Variants in LDB2 observed in about 807,000 individuals in gnomAD.
The protein encoded by LDB2 is LIM domain binding 2.
A neutral mutation model predicts 44.3 loss-of-function variants in LDB2; 12 were observed. The ratio of observed to expected loss-of-function variants is 0.27; its 90% CI spans 0.17 to 0.44. The LOEUF (loss-of-function observed/expected upper bound fraction) is 0.44, where lower values mean the gene tolerates loss of function less well. Ranked by LOEUF, LDB2 falls within the 20% of genes least tolerant of loss-of-function variation. The pLI is 1.00. For missense variants in LDB2, 344 were observed against 473.5 expected, an observed-to-expected ratio of 0.73 and a Z score of 2.54; for synonymous variants, 164 against 174.8, an observed-to-expected ratio of 0.94 and a Z score of 0.49.
At chr4:16,675,575 CA>C (rs1746066329) in intron 2 of LDB2, among the ~76,000 whole-genome samples, 1 of 139,330 alleles carries the variant, frequency 7.2e-6, no homozygotes, top group East Asian at 2.1e-4. Flanking sequence ...AAAATGGGTA[CA>C]AAATGAAAAA....
chr4:16,502,515 G>A lies in LDB2; in HGVS notation c.*128C>T, dbSNP rs1038963629. On this transcript the variant is annotated 3_prime_UTR_variant, in exon 8 of 8. Coordinates refer to ENST00000304523, the MANE Select transcript of LDB2 (RefSeq NM_001290.5). Reference sequence around the variant, plus strand: ...AAAGAAGAAAGAAAATCAGATCATTGTGGTTTAGAAATAGATATTTGCATG... The same window carrying A: ...AAAGAAGAAAGAAAATCAGATCATTATGGTTTAGAAATAGATATTTGCATG... 4.9e-6 allele frequency: 6 copies of A among 1,212,646 alleles called. No individual in the cohort carries two copies. The highest frequency in any genetic ancestry group is 5.9e-6 in the Non-Finnish European group (5 of 853,700). 75.1% of individuals were successfully genotyped at this position (1,212,646 alleles called of 1,614,324 possible). A position where few individuals can be genotyped will look rare whatever the true frequency, so the allele number is the denominator to read the frequency against.
chr4:16,519,619 C>G (rs1725217729), intron 5 of LDB2, among the ~76,000 whole-genome samples: 1 of 148,934 alleles, frequency 6.7e-6, no homozygotes, highest in African/African-American at 2.5e-5. Flanking sequence ...AAAACCTACA[C>G]AGAGAGGTAG....
intron 2 of LDB2, among the ~76,000 whole-genome samples, chr4:16,633,459 A>T (rs925996992): frequency 5.9e-5 from 9 of 152,184 alleles, no homozygotes; most frequent in Non-Finnish European, 8.8e-5. Flanking sequence ...AAGCATTCCT[A>T]TACACCAATA....
intron 2 of LDB2, among the ~76,000 whole-genome samples, chr4:16,638,454 C>T (rs903612267): frequency 2.0e-5 from 3 of 152,126 alleles, no homozygotes; most frequent in African/African-American, 7.2e-5. Context: ...CAACGCAGCC[C>T]GATCCAGCTC....
chr4:16,635,806 T>C (rs999818152), intron 2 of LDB2, among the ~76,000 whole-genome samples: 1 of 152,222 alleles, frequency 6.6e-6, no homozygotes, highest in Non-Finnish European at 1.5e-5. Context: ...TTCTATCAGT[T>C]AGCAAACCAT....
rs191846516 is a variant in LDB2 at position 16,565,968 on chromosome 4, A to G, written c.615+19954T>C. On this transcript the variant is annotated intron_variant, in intron 5 of 7. Coordinates refer to ENST00000304523, the MANE Select transcript of LDB2 (RefSeq NM_001290.5). ...TGACCACACACACACATGTATCTAT[A>G]CATACACACATATACACACACACAA... 3.9e-5 allele frequency among the ~76,000 whole-genome samples: 6 copies of G among 152,198 alleles called. No homozygotes were observed. In the East Asian group the frequency reaches 1.2e-3, roughly 29 times the overall value.
intron 1 of LDB2, among the ~76,000 whole-genome samples, chr4:16,784,815 T>A (rs1046768797): frequency 6.6e-6 from 1 of 152,168 alleles, no homozygotes; most frequent in Non-Finnish European, 1.5e-5. Flanking sequence ...CCCTATGCAC[T>A]CTGCATCTGG....
intron 2 of LDB2, among the ~76,000 whole-genome samples, chr4:16,656,760 T>G (rs994337198): frequency 6.6e-6 from 1 of 152,230 alleles, no homozygotes; most frequent in Non-Finnish European, 1.5e-5. Flanking sequence ...AGCGTGATTT[T>G]TTTTCTTTGT....
intron 1 of LDB2, among the ~76,000 whole-genome samples, chr4:16,866,691 A>T (rs1251612896): frequency 6.6e-6 from 1 of 152,234 alleles, no homozygotes; most frequent in African/African-American, 2.4e-5. Context: ...AGGGAAAAAA[A>T]TCTGACATAT....
At chr4:16,703,668 G>A (rs1213648683) in intron 2 of LDB2, among the ~76,000 whole-genome samples, 2 of 152,108 alleles carry the variant, frequency 1.3e-5, no homozygotes, top group East Asian at 1.9e-4. Flanking sequence ...TAATTGGGTG[G>A]CAATATATTT....
At chr4:16,672,064 A>G (rs916935012) in intron 2 of LDB2, among the ~76,000 whole-genome samples, 3 of 152,180 alleles carry the variant, frequency 2.0e-5, no homozygotes, top group African/African-American at 7.2e-5. Flanking sequence ...TAATAACAAC[A>G]GCAACCATGA....
chr4:16,729,870 C>T (rs112813530), intron 2 of LDB2, among the ~76,000 whole-genome samples: 97 of 152,218 alleles, frequency 6.4e-4, no homozygotes, highest in African/African-American at 2.1e-3. Context: ...AAATAACGAC[C>T]GCATGAAGTG....
intron 1 of LDB2, among the ~76,000 whole-genome samples, chr4:16,841,531 T>C (rs1487657903): frequency 6.6e-6 from 1 of 152,226 alleles, no homozygotes; most frequent in Non-Finnish European, 1.5e-5. Flanking sequence ...TTCTCACAGT[T>C]GCCTTCAAAT....
chr4:16,874,853 T>C (rs544792148), intron 1 of LDB2, among the ~76,000 whole-genome samples: 1 of 152,340 alleles, frequency 6.6e-6, no homozygotes, highest in South Asian at 2.1e-4. Flanking sequence ...ATTTCATTTA[T>C]AGCCTTGTTT....
chr4:16,804,091 T>A (rs939601541), intron 1 of LDB2, among the ~76,000 whole-genome samples: 7 of 152,180 alleles, frequency 4.6e-5, no homozygotes, highest in Admixed American at 4.6e-4. Flanking sequence ...TTTTAATTGA[T>A]CCATGTAAAT....
chr4:16,789,384 A>T (rs1199593908), intron 1 of LDB2, among the ~76,000 whole-genome samples: 1 of 152,220 alleles, frequency 6.6e-6, no homozygotes, highest in Non-Finnish European at 1.5e-5. Flanking sequence ...AGGTTCCCTG[A>T]CCTCATGAAC....
intron 1 of LDB2, among the ~76,000 whole-genome samples, chr4:16,895,326 T>A (rs1192323786): frequency 1.3e-5 from 2 of 152,100 alleles, no homozygotes; most frequent in African/African-American, 4.8e-5. Context: ...TGGATCCCCA[T>A]GAGAAAATGC....
intron 5 of LDB2, among the ~76,000 whole-genome samples, chr4:16,576,275 G>C (rs1489865976): frequency 6.6e-6 from 1 of 151,570 alleles, no homozygotes; most frequent in East Asian, 1.9e-4. Flanking sequence ...AGAAAACAAT[G>C]CAAAAGATGA....
chr4:16,802,505 C>T (rs1422148574), intron 1 of LDB2, among the ~76,000 whole-genome samples: 3 of 152,156 alleles, frequency 2.0e-5, no homozygotes, highest in Admixed American at 1.3e-4. Context: ...TCATTGCTGA[C>T]TCTCATGTTC....
Sources: allele counts gnomAD v4.1 joint callset (sites outside exome capture counted in the v4.1 genomes callset), GRCh38; gene constraint gnomAD v4.1.1; transcripts MANE v1.5; gene names NCBI Gene and HGNC (gene_info 2026-07-23, HGNC 2026-07-21).